CDH18: variants seen among roughly 807,000 people sequenced by gnomAD.
The protein encoded by CDH18 is cadherin-18.
Under a neutral mutation model 67.9 loss-of-function variants are expected in CDH18, and 31 were observed. The observed-to-expected ratio is 0.46, with a 90% CI of 0.34 to 0.62. CDH18 has a LOEUF of 0.62. Ranked by LOEUF, CDH18 falls within the 20% of genes least tolerant of loss-of-function variation. The probability of loss-of-function intolerance (pLI) is 0.01; values close to 1 mark genes in which losing one functional copy is unlikely to be tolerated. For synonymous variants in CDH18, 362 were observed against 347.2 expected, an observed-to-expected ratio of 1.04 and a Z score of -0.48; for missense variants, 890 against 975.5, an observed-to-expected ratio of 0.91 and a Z score of 1.17.
intron 2 of CDH18, among the ~76,000 whole-genome samples, chr5:20,210,559 G>C (rs576639773): frequency 1.3e-5 from 2 of 151,808 alleles, no homozygotes; most frequent in Non-Finnish European, 2.9e-5. Flanking sequence ...ATTTGCTTTT[G>C]AGTAGTAGTT....
chr5:19,962,277 T>C (rs1177462763), intron 2 of CDH18, among the ~76,000 whole-genome samples: 2 of 149,870 alleles, frequency 1.3e-5, no homozygotes, highest in Non-Finnish European at 3.0e-5. Flanking sequence ...AAAATATATT[T>C]GCTAATCAGA....
rs573035377 is a variant in CDH18, at chr5:20,272,125, AG to A, written c.-579-16621del. On this transcript the variant is annotated intron_variant, in intron 1 of 14. Coordinates refer to the CDH18 transcript ENST00000507958. ...GCAGTGATAATTAAACAAAATAAAGAGGAAAGCAAGTAGCAAAACAGACTGA... is the reference window on the plus strand; with the variant it reads ...GCAGTGATAATTAAACAAAATAAAGAGAAAGCAAGTAGCAAAACAGACTGA... 4.1e-4 allele frequency among the ~76,000 whole-genome samples: 62 copies of A among 152,218 alleles called. No homozygotes were observed. The East Asian group carries it at 0.011, about 28-fold the overall frequency.
chr5:20,065,014 T>C (rs757670598), intron 2 of CDH18, among the ~76,000 whole-genome samples: 2 of 152,114 alleles, frequency 1.3e-5, no homozygotes, highest in Non-Finnish European at 2.9e-5. Context: ...TTTCCTAAAC[T>C]GTTAAAATAA....
intron 6 of CDH18, among the ~76,000 whole-genome samples, chr5:19,597,558 C>T (rs1476938876): frequency 6.6e-6 from 1 of 151,970 alleles, no homozygotes; most frequent in Non-Finnish European, 1.5e-5. Context: ...ACCCTTATTG[C>T]TGATTATTTC....
At chr5:20,349,627 G>A (rs1740998588) in intron 1 of CDH18, among the ~76,000 whole-genome samples, 1 of 152,050 alleles carries the variant, frequency 6.6e-6, no homozygotes, top group Non-Finnish European at 1.5e-5. Flanking sequence ...AGTATATCAA[G>A]CACAGGGAAT....
chr5:20,419,736 C>G lies in CDH18; in HGVS notation c.-580+155726G>C, dbSNP rs1022141914. On this transcript the variant is annotated intron_variant, in intron 1 of 14. Coordinates refer to the CDH18 transcript ENST00000507958. Reference sequence around the variant, plus strand: ...TCATGATCCTCCCGCCTCGGCCTCCCAAAGTTCTGGGATTACAGGCGTGAG... The same window carrying G: ...TCATGATCCTCCCGCCTCGGCCTCCGAAAGTTCTGGGATTACAGGCGTGAG... Among the ~76,000 whole-genome samples, 13 of 150,798 alleles carry G rather than the reference C, an allele frequency of 8.6e-5. 2 individuals carry two copies. Among genetic ancestry groups the G allele is most frequent in the African/African-American group, 3.2e-4 (13 of 40,222 alleles).
In CDH18 at chr5:19,593,735, C is replaced by CTTG. The variant is rs1561426404; in HGVS notation, c.812-2492_812-2491insCAA. 9.9e-4 allele frequency among the ~76,000 whole-genome samples: 139 copies of CTTG among 140,822 alleles called. 4 individuals carry two copies. The highest frequency in any genetic ancestry group is 3.0e-3 in the East Asian group (14 of 4,652). 92.4% of individuals were successfully genotyped at this position (140,822 alleles called of 152,430 possible). On this transcript the variant is annotated intron_variant, in intron 6 of 12. Transcript: ENST00000382275. Reference sequence around the variant, plus strand: ...TCTTCTTCTTCTTCTTCTTCTTCTTCTTCTTCTTCTTCTTCTTCTTCTTCT... The same window carrying CTTG: ...TCTTCTTCTTCTTCTTCTTCTTCTTCTTGTTCTTCTTCTTCTTCTTCTTCTTCT...
chr5:20,171,962 C>T (rs1580397590), intron 2 of CDH18, among the ~76,000 whole-genome samples: 1 of 150,800 alleles, frequency 6.6e-6, no homozygotes, highest in East Asian at 2.0e-4. Flanking sequence ...TATCTCATCA[C>T]TATTTATTCA....
chr5:19,541,027 C>A (rs2127059407), intron 9 of CDH18, among the ~76,000 whole-genome samples: 1 of 152,226 alleles, frequency 6.6e-6, no homozygotes, highest in Non-Finnish European at 1.5e-5. Context: ...GCTCTGCTTC[C>A]TCTTGAACTC....
At chr5:19,758,464 CCG>C (rs1345833130) in intron 3 of CDH18, among the ~76,000 whole-genome samples, 6 of 152,226 alleles carry the variant, frequency 3.9e-5, no homozygotes, top group Non-Finnish European at 5.9e-5. Flanking sequence ...ACCTCAAGCA[CCG>C]TTGGATCTAC....
chr5:20,511,203 A>G (rs1005174420), intron 1 of CDH18, among the ~76,000 whole-genome samples: 9 of 152,214 alleles, frequency 5.9e-5, no homozygotes, highest in African/African-American at 2.2e-4. Context: ...AGTACACCAG[A>G]AGAAAAAGCT....
At chr5:19,542,685 T>A (rs186162373) in intron 9 of CDH18, among the ~76,000 whole-genome samples, 7 of 152,318 alleles carry the variant, frequency 4.6e-5, no homozygotes, top group Admixed American at 3.3e-4. Context: ...ATATGATTAT[T>A]TTATATAGCA....
At chr5:19,597,944 T>C (rs1746432871) in intron 6 of CDH18, among the ~76,000 whole-genome samples, 1 of 152,188 alleles carries the variant, frequency 6.6e-6, no homozygotes, top group Non-Finnish European at 1.5e-5. Context: ...TCGCATATAG[T>C]TCTAGTTTGT....
At chr5:20,210,741 G>T (rs1010927517) in intron 2 of CDH18, among the ~76,000 whole-genome samples, 2 of 151,650 alleles carry the variant, frequency 1.3e-5, no homozygotes, top group Non-Finnish European at 2.9e-5. Flanking sequence ...AAAATATCTG[G>T]CCTTTGGACA....
intron 1 of CDH18, among the ~76,000 whole-genome samples, chr5:20,407,401 G>A (rs189639592): frequency 7.2e-5 from 11 of 151,982 alleles, no homozygotes; most frequent in Middle Eastern, 6.8e-3. Flanking sequence ...CAGAATCTCC[G>A]GCTGGGTTGG....
intron 5 of CDH18, among the ~76,000 whole-genome samples, chr5:19,719,914 AAAG>A (rs1361826894): frequency 8.1e-6 from 1 of 123,196 alleles, no homozygotes; most frequent in Non-Finnish European, 1.9e-5. Flanking sequence ...AGAAAGAAAG[AAAG>A]AAAGAAAGAA....
chr5:19,612,331 A>G (rs1251603865), intron 6 of CDH18, 103 bp downstream of exon 6: 3 of 1,143,578 alleles, frequency 2.6e-6, no homozygotes, highest in Non-Finnish European at 3.8e-6. Flanking sequence ...AAAACAGAAC[A>G]ATTCCACTTA....
chr5:20,351,248 GTTGTT>G (rs1161022036), intron 1 of CDH18, among the ~76,000 whole-genome samples: 1 of 116,708 alleles, frequency 8.6e-6, no homozygotes, highest in African/African-American at 5.5e-5. Context: ...CTCCATGGGG[GTTGTT>G]TTTTTTTTTT....
chr5:19,751,083 T>G (rs369552763), intron 3 of CDH18, among the ~76,000 whole-genome samples: 59 of 152,158 alleles, frequency 3.9e-4, no homozygotes, highest in Non-Finnish European at 7.2e-4. Flanking sequence ...TAATAAATTG[T>G]CACTTTCTTA....
Sources: gnomAD v4.1 joint callset for allele counts (sites outside exome capture counted in the v4.1 genomes callset) on GRCh38, gnomAD v4.1.1 for gene constraint, MANE v1.5 for transcripts, NCBI Gene and HGNC (gene_info 2026-07-23, HGNC 2026-07-21) for gene names.